Variants in SPACDR observed in about 807,000 individuals in gnomAD.
SPACDR encodes uncharacterized protein C7orf61.
chr7:100,458,963 C>T, the SPACDR span, among the ~76,000 whole-genome samples: 436 of 151,964 alleles, frequency 2.9e-3, no homozygotes, highest in Non-Finnish European at 5.1e-3. Flanking sequence ...AGATTCACAC[C>T]CACGTTACTG....
At chr7:100,460,516 G>A in the SPACDR span, among the ~76,000 whole-genome samples, 2 of 151,774 alleles carry the variant, frequency 1.3e-5, no homozygotes, top group Admixed American at 1.3e-4. Context: ...GCTTGAACCT[G>A]GCAGGCAGAG....
At chr7:100,461,072 C>T in the SPACDR span, among the ~76,000 whole-genome samples, 6 of 151,916 alleles carry the variant, frequency 3.9e-5, no homozygotes, top group Middle Eastern at 3.4e-3. Flanking sequence ...GACAGCTCTG[C>T]ACTCATCTGC....
At chr7:100,456,797 G>C in the SPACDR span, 1 of 1,613,180 alleles carries the variant, frequency 6.2e-7, no homozygotes. Context: ...GAGCCGGGTT[G>C]GGTCGGGGGG....
the SPACDR span, among the ~76,000 whole-genome samples, chr7:100,462,832 G>A: frequency 7.6e-5 from 11 of 145,394 alleles, no homozygotes; most frequent in South Asian, 2.2e-4. Flanking sequence ...AACATTTGCC[G>A]GGCATGGTGG....
At chr7:100,456,761 A>T in the SPACDR span, 1 of 1,607,944 alleles carries the variant, frequency 6.2e-7, no homozygotes, top group Non-Finnish European at 8.5e-7. Context: ...CCTAGAGGGG[A>T]CTTTGGGCAT....
the SPACDR span, chr7:100,457,035 G>T: frequency 7.2e-7 from 1 of 1,388,436 alleles, no homozygotes. Context: ...GGTCTAGGGA[G>T]AAACTGCCGC....
the SPACDR span, chr7:100,463,594 C>G: frequency 1.9e-6 from 3 of 1,613,916 alleles, no homozygotes; most frequent in Non-Finnish European, 2.5e-6. Flanking sequence ...TCTCAACCAC[C>G]TGGAGAGTCT....
At chr7:100,458,447 C>G in the SPACDR span, among the ~76,000 whole-genome samples, 3 of 152,256 alleles carry the variant, frequency 2.0e-5, no homozygotes, top group Non-Finnish European at 4.4e-5. Context: ...TGCATCATCA[C>G]AAGTGTCCCT....
the SPACDR span, chr7:100,456,890 C>T: frequency 2.5e-6 from 4 of 1,613,764 alleles, no homozygotes; most frequent in Admixed American, 3.3e-5. Flanking sequence ...CGGCCCACAG[C>T]ACCAGGTACA....
chr7:100,464,123 C>A, the SPACDR span: 3 of 1,542,966 alleles, frequency 1.9e-6, no homozygotes, highest in Non-Finnish European at 2.6e-6. Flanking sequence ...GGCCGGTGAC[C>A]ACCTCTTGAG....
the SPACDR span, among the ~76,000 whole-genome samples, chr7:100,462,553 A>G: frequency 1.3e-3 from 173 of 130,802 alleles, no homozygotes; most frequent in African/African-American, 4.6e-3. Flanking sequence ...GTCTCGCTCT[A>G]TTGCCCAGGC....
chr7:100,460,589 TA>T, the SPACDR span, among the ~76,000 whole-genome samples: 114 of 134,990 alleles, frequency 8.4e-4, no homozygotes, highest in African/African-American at 8.7e-4. Context: ...GACTCCATCA[TA>T]AAAAAAAAAA....
chr7:100,459,654 G>A, the SPACDR span, among the ~76,000 whole-genome samples: 11 of 151,956 alleles, frequency 7.2e-5, no homozygotes, highest in African/African-American at 2.2e-4. Context: ...TTGCAGATAC[G>A]GGGTCTCACT....
chr7:100,464,001 G>A, the SPACDR span: 5 of 1,566,958 alleles, frequency 3.2e-6, no homozygotes, highest in South Asian at 3.4e-5. Context: ...CTAACCCATC[G>A]GAAGAACTTC....
chr7:100,463,837 T>C, the SPACDR span: 3 of 1,307,532 alleles, frequency 2.3e-6, no homozygotes, highest in African/African-American at 4.4e-5. Context: ...TGTCCTTTCC[T>C]TCCTCCCCAC....
At chr7:100,456,923 C>T in the SPACDR span, 11 of 1,613,674 alleles carry the variant, frequency 6.8e-6, no homozygotes, top group Admixed American at 5.0e-5. Context: ...ACTCAGCCTC[C>T]GGAGTCTTCA....
chr7:100,463,229 C>T, the SPACDR span: 1 of 703,524 alleles, frequency 1.4e-6, no homozygotes, highest in Non-Finnish European at 2.3e-6. Context: ...CCATCTCAGC[C>T]TCCCAAAGTG....
chr7:100,460,082 G>C, the SPACDR span, among the ~76,000 whole-genome samples: 2 of 151,574 alleles, frequency 1.3e-5, no homozygotes, highest in Non-Finnish European at 1.5e-5. Context: ...GTACAGACGG[G>C]GTTTCACTGT....
chr7:100,457,195 G>T, the SPACDR span, among the ~76,000 whole-genome samples: 6 of 151,294 alleles, frequency 4.0e-5, no homozygotes, highest in Admixed American at 2.6e-4. Context: ...ATGAGACGGG[G>T]TCTTGCTATG....
Sources: gnomAD v4.1 joint callset for allele counts (sites outside exome capture counted in the v4.1 genomes callset) on GRCh38, gnomAD v4.1.1 for gene constraint, MANE v1.5 for transcripts, NCBI Gene and HGNC (gene_info 2026-07-23, HGNC 2026-07-21) for gene names.